The following COL18A1 variants were observed in gnomAD, a reference collection of about 807,000 sequenced individuals.
The protein encoded by COL18A1 is collagen alpha-1(XVIII) chain.
Under a neutral mutation model 168.0 loss-of-function variants are expected in COL18A1, and 133 were observed. That is an observed-to-expected ratio of 0.79 (90% CI 0.69 to 0.91). COL18A1 has a LOEUF of 0.91. Among genes scored for constraint, COL18A1 ranks in the 40% least tolerant of loss-of-function variants. COL18A1 has a pLI of 0.00. For synonymous variants in COL18A1, 949 were observed against 809.0 expected (o/e 1.17, Z -2.94); for missense variants, 2,126 against 1,925.4 (o/e 1.10, Z -1.95).
chr21:45,474,803 G>GACGTGGACCCACAGCCTCGCT (rs1568899770), intron 4 of COL18A1, among the ~76,000 whole-genome samples: 627 of 146,812 alleles, frequency 4.3e-3, no homozygotes, highest in Non-Finnish European at 5.3e-3. Context: ...AGACACCGTG[G>GACGTGGACCCACAGCCTCGCT]CTGGACTGTG....
At chr21:45,417,091 G>T (rs1353635973) in intron 2 of COL18A1, among the ~76,000 whole-genome samples, 1 of 152,142 alleles carries the variant, frequency 6.6e-6, no homozygotes, top group African/African-American at 2.4e-5. Flanking sequence ...GGTTGCTTTT[G>T]GTTGTGGCGG....
At chr21:45,483,490 C>G (rs188406675) in intron 15 of COL18A1, among the ~76,000 whole-genome samples, 1 of 152,168 alleles carries the variant, frequency 6.6e-6, no homozygotes, top group Non-Finnish European at 1.5e-5. Flanking sequence ...CTTCCTCCTT[C>G]TGTTCTGCGG....
intron 2 of COL18A1, chr21:45,467,485 G>A (rs977841055): frequency 4.8e-5 from 46 of 957,414 alleles, no homozygotes; most frequent in African/African-American, 4.6e-4. Context: ...AGCATGGGGG[G>A]GATGGGGAGA....
rs2146087935 is a variant in COL18A1 at position 45,505,890 on chromosome 21, C to T, written c.3140C>T (p.Pro1047Leu). The change falls in exon 37 of 42, where the codon CCC (proline) becomes CTC (leucine). Residue 1047 changes from proline to leucine, a missense_variant. Physicochemically the swap from Pro to Leu is moderately conservative, Grantham distance 98 (BLOSUM62 -3). Coordinates refer to ENST00000651438, the MANE Select transcript of COL18A1 (RefSeq NM_001379500.1). ...QAMLGQVHEV[P>L]EGWLIFVAEQ... ...ATGCTGGGCCAGGTGCACGAGGTTCCCGAGGGCTGGCTCATCTTCGTGGCC... is the reference window on the plus strand; with the variant it reads ...ATGCTGGGCCAGGTGCACGAGGTTCTCGAGGGCTGGCTCATCTTCGTGGCC... The T allele has an allele frequency of 1.2e-6, 2 of 1,612,898 alleles. No homozygotes were observed.
chr21:45,474,558 G>A (rs1568899515), intron 4 of COL18A1, among the ~76,000 whole-genome samples: 1 of 148,016 alleles, frequency 6.8e-6, no homozygotes, highest in African/African-American at 2.7e-5. Context: ...GTGTCTCTGT[G>A]TCTGTGTCTG....
chr21:45,469,153 C>T (rs557722085), intron 3 of COL18A1, among the ~76,000 whole-genome samples: 4 of 152,338 alleles, frequency 2.6e-5, no homozygotes, highest in South Asian at 2.1e-4. Context: ...GCCGTGACCC[C>T]GTGACCCAGA....
chr21:45,437,154 T>TCA lies in COL18A1; in HGVS notation c.107-31087_107-31086dup, dbSNP rs1569287259. 7.3e-4 allele frequency among the ~76,000 whole-genome samples: 54 copies of TCA among 73,888 alleles called. 2 individuals carry two copies. Among genetic ancestry groups the TCA allele is most frequent in the African/African-American group, 3.7e-3 (50 of 13,684 alleles). The allele number at this position is 73,888 out of a possible 152,430, so 48.5% of individuals were successfully genotyped here. A position where few individuals can be genotyped will look rare whatever the true frequency, so the allele number is the denominator to read the frequency against. ...AGGCACTCTCCACACACACTCACAC[T>TCA]CAGACACAGGCACTCTCCTGCACAC... On this transcript the variant is annotated intron_variant, in intron 2 of 41. Transcript: ENST00000651438.
At chr21:45,456,881 G>C in intron 2 of COL18A1, 2 of 1,439,562 alleles carry the variant, frequency 1.4e-6, no homozygotes, top group Non-Finnish European at 1.8e-6. Flanking sequence ...GCCGGCTGCA[G>C]GTAACTGGCC....
chr21:45,429,513 G>A (rs979093613), intron 2 of COL18A1, among the ~76,000 whole-genome samples: 4 of 152,200 alleles, frequency 2.6e-5, no homozygotes, highest in East Asian at 1.9e-4. Context: ...ACCCAGGCTC[G>A]GCTGCATAGA....
At chr21:45,451,078 G>T (rs1037605034) in intron 2 of COL18A1, among the ~76,000 whole-genome samples, 3 of 152,246 alleles carry the variant, frequency 2.0e-5, no homozygotes, top group Admixed American at 6.5e-5. Flanking sequence ...CCTCTGGGGG[G>T]TGTGAGGTTC....
chr21:45,444,516 G>A (rs1037392438), intron 2 of COL18A1, among the ~76,000 whole-genome samples: 1 of 152,140 alleles, frequency 6.6e-6, no homozygotes, highest in Non-Finnish European at 1.5e-5. Flanking sequence ...TGAGGTGCAC[G>A]CTCACTCGTG....
intron 32 of COL18A1, among the ~76,000 whole-genome samples, chr21:45,503,736 T>C (rs558895269): frequency 1.3e-5 from 2 of 151,742 alleles, no homozygotes; most frequent in East Asian, 1.9e-4. Flanking sequence ...TGTATACATA[T>C]GTAACTAACC....
At position 45,505,775 on chromosome 21, in the gene COL18A1, C is replaced by T. The variant is rs1040084566; in HGVS notation, c.3088-63C>T. 4.0e-6 allele frequency: 5 copies of T among 1,264,232 alleles called. No individual in the cohort carries two copies. The East Asian group carries it at 1.2e-4, about 32-fold the overall frequency. 78.3% of individuals were successfully genotyped at this position (1,264,232 alleles called of 1,614,324 possible). ...CAGCACCCTGAAACGGGCATTCCTT[C>T]CTTCCGCCCCTGCCCCCCGCCCTCC... On this transcript the variant is annotated intron_variant, in intron 36 of 41. Transcript: ENST00000651438.
At chr21:45,455,762 G>C in intron 2 of COL18A1, 2 of 1,613,774 alleles carry the variant, frequency 1.2e-6, no homozygotes, top group Non-Finnish European at 8.5e-7. Context: ...GACAGCCCCT[G>C]GCAGCCCTGA....
intron 37 of COL18A1, 72 bp downstream of exon 37, chr21:45,506,038 G>T (rs1392673828): frequency 2.5e-6 from 4 of 1,608,412 alleles, no homozygotes; most frequent in Non-Finnish European, 2.5e-6. Flanking sequence ...TAAGGAAGGC[G>T]AGAGGCTCAG....
At chr21:45,406,662 A>G (rs2123488997) in intron 2 of COL18A1, among the ~76,000 whole-genome samples, 1 of 152,300 alleles carries the variant, frequency 6.6e-6, no homozygotes. Context: ...CCGGGCCGCC[A>G]GCGCCCACAG....
At chr21:45,468,992 G>A (rs182973436) in intron 3 of COL18A1, among the ~76,000 whole-genome samples, 126 of 152,328 alleles carry the variant, frequency 8.3e-4, no homozygotes, top group African/African-American at 2.8e-3. Context: ...GTTCTTGGCC[G>A]GCCTGGCTGG....
chr21:45,441,957 G>C (rs985269218), intron 2 of COL18A1, among the ~76,000 whole-genome samples: 1 of 152,362 alleles, frequency 6.6e-6, no homozygotes, highest in East Asian at 1.9e-4. Flanking sequence ...CAGGCCTGGT[G>C]ACCCCCTGGG....
At chr21:45,421,128 G>A (rs2033610352) in intron 2 of COL18A1, 1 of 304,810 alleles carries the variant, frequency 3.3e-6, no homozygotes, top group African/African-American at 2.2e-5. Context: ...GTGCCTGCCT[G>A]TCCTGCCCTG....
Sources: gnomAD v4.1 joint callset for allele counts (sites outside exome capture counted in the v4.1 genomes callset) on GRCh38, gnomAD v4.1.1 for gene constraint, MANE v1.5 for transcripts, NCBI Gene and HGNC (gene_info 2026-07-23, HGNC 2026-07-21) for gene names.